The following LINGO2 variants were observed in gnomAD, a reference collection of about 807,000 sequenced individuals.
The protein encoded by LINGO2 is leucine rich repeat and Ig domain containing 2, also known as leucine-rich repeat and immunoglobulin-like domain-containing nogo receptor-interacting protein 2.
Under a neutral mutation model 30.6 loss-of-function variants are expected in LINGO2, and 14 were observed. That is an observed-to-expected ratio of 0.46 (90% CI 0.30 to 0.72). The LOEUF (loss-of-function observed/expected upper bound fraction) is 0.72. LINGO2 is among the 30% of genes least tolerant of loss of function. The pLI, the probability that LINGO2 is intolerant of heterozygous loss-of-function variation, is 0.07. For missense variants in LINGO2, 729 were observed against 751.7 expected, an observed-to-expected ratio of 0.97 and a Z score of 0.35; for synonymous variants, 317 against 288.5, an observed-to-expected ratio of 1.10 and a Z score of -1.00.
intron 1 of LINGO2, among the ~76,000 whole-genome samples, chr9:28,506,096 G>A (rs1181610693): frequency 6.6e-6 from 1 of 151,484 alleles, no homozygotes; most frequent in African/African-American, 2.4e-5. Flanking sequence ...TATTATAGGT[G>A]TTTACCTATA....
chr9:28,935,537 G>C, the LINGO2 span, among the ~76,000 whole-genome samples: 1 of 152,026 alleles, frequency 6.6e-6, no homozygotes, highest in Non-Finnish European at 1.5e-5. Context: ...CATAAAATTA[G>C]AATATTTAAA....
At chr9:28,645,004 G>C (rs184613848) in intron 1 of LINGO2, among the ~76,000 whole-genome samples, 1 of 152,146 alleles carries the variant, frequency 6.6e-6, no homozygotes, top group Non-Finnish European at 1.5e-5. Context: ...CCAATTTGAA[G>C]ATGATATGCA....
At chr9:28,853,828 A>G in the LINGO2 span, among the ~76,000 whole-genome samples, 1 of 151,912 alleles carries the variant, frequency 6.6e-6, no homozygotes, top group Non-Finnish European at 1.5e-5. Context: ...TGCCCTTGAC[A>G]TGTGGGGATT....
the LINGO2 span, among the ~76,000 whole-genome samples, chr9:28,923,456 T>C: frequency 7.9e-5 from 12 of 152,090 alleles, no homozygotes; most frequent in African/African-American, 2.7e-4. Flanking sequence ...TTAGAATAAA[T>C]AAGAGGAAAA....
the LINGO2 span, among the ~76,000 whole-genome samples, chr9:28,786,448 T>C: frequency 6.6e-6 from 1 of 152,154 alleles, no homozygotes; most frequent in Non-Finnish European, 1.5e-5. Context: ...AGCATATAAA[T>C]ATGAGTTGAG....
intron 4 of LINGO2, among the ~76,000 whole-genome samples, chr9:28,151,941 G>A (rs1375397970): frequency 1.3e-5 from 2 of 152,040 alleles, no homozygotes; most frequent in Non-Finnish European, 2.9e-5. Flanking sequence ...GAAACGAAAT[G>A]CAATTCCACA....
chr9:29,065,034 A>G, the LINGO2 span, among the ~76,000 whole-genome samples: 3 of 152,110 alleles, frequency 2.0e-5, no homozygotes, highest in African/African-American at 7.2e-5. Context: ...GAGGTGCATG[A>G]CATTTTCATT....
the LINGO2 span, among the ~76,000 whole-genome samples, chr9:29,113,271 T>A: frequency 2.0e-5 from 3 of 152,088 alleles, no homozygotes; most frequent in African/African-American, 7.2e-5. Flanking sequence ...AAAATAAAAT[T>A]GAAGCAAGAA....
chr9:28,282,131 T>G (rs1399974435), intron 4 of LINGO2, among the ~76,000 whole-genome samples: 1 of 152,114 alleles, frequency 6.6e-6, no homozygotes, highest in Non-Finnish European at 1.5e-5. Flanking sequence ...AGATACTAAA[T>G]GCAATTACGT....
intron 3 of LINGO2, among the ~76,000 whole-genome samples, chr9:28,360,195 G>A (rs1820385612): frequency 6.6e-6 from 1 of 152,166 alleles, no homozygotes; most frequent in African/African-American, 2.4e-5. Context: ...AAGTAAGGCA[G>A]TGTTTTTGTT....
intron 1 of LINGO2, among the ~76,000 whole-genome samples, chr9:28,633,887 AATTTCGATTTTGTTTT>A (rs1827119998): frequency 6.6e-6 from 1 of 152,114 alleles, no homozygotes; most frequent in Admixed American, 6.5e-5. Flanking sequence ...TTTGCCTCAA[AATTTCGATTTTGTTTT>A]ATAGGCACAC....
chr9:28,587,030 G>A lies in LINGO2; in HGVS notation c.-365+83170C>T, dbSNP rs115944005. Among the ~76,000 whole-genome samples, 1,512 of 151,990 alleles carry A rather than the reference G, an allele frequency of 9.9e-3. 24 individuals are homozygous for A. Among genetic ancestry groups the A allele is most frequent in the African/African-American group, 0.032 (1,334 of 41,496 alleles). ...ATATAGTTATAGACAGATGGGATTC[G>A]TAAGGCTTCATACAGCTAGAAATCC... On this transcript the variant is annotated intron_variant, in intron 1 of 5. Coordinates refer to ENST00000379992, the Ensembl canonical transcript of LINGO2.
chr9:28,733,782 C>G, the LINGO2 span, among the ~76,000 whole-genome samples: 1 of 152,020 alleles, frequency 6.6e-6, no homozygotes, highest in Non-Finnish European at 1.5e-5. Flanking sequence ...ATGAGGTGAA[C>G]ACACCTGTAT....
the LINGO2 span, among the ~76,000 whole-genome samples, chr9:29,132,881 CT>C: frequency 5.4e-5 from 8 of 147,652 alleles, no homozygotes; most frequent in African/African-American, 7.6e-5. Context: ...ACATGTAATC[CT>C]TTTTTTTTTA....
At chr9:29,070,824 T>C in the LINGO2 span, among the ~76,000 whole-genome samples, 23 of 151,482 alleles carry the variant, frequency 1.5e-4, no homozygotes, top group Non-Finnish European at 2.9e-4. Context: ...AAGGCCAATT[T>C]TGTTTCACAT....
the LINGO2 span, among the ~76,000 whole-genome samples, chr9:28,847,132 T>C: frequency 5.2e-3 from 767 of 148,426 alleles, 54 homozygotes; most frequent in Non-Finnish European, 6.8e-3. Context: ...GAGGGGTAGA[T>C]GGCTGTTGAG....
At chr9:28,521,205 A>C (rs1031660347) in intron 1 of LINGO2, among the ~76,000 whole-genome samples, 2 of 152,198 alleles carry the variant, frequency 1.3e-5, no homozygotes, top group Non-Finnish European at 2.9e-5. Flanking sequence ...TGGGATATTC[A>C]AAGCAAGATA....
At chr9:28,877,514 T>A in the LINGO2 span, among the ~76,000 whole-genome samples, 1 of 152,196 alleles carries the variant, frequency 6.6e-6, no homozygotes. Flanking sequence ...AGGGAATCCT[T>A]TCCCCATTGC....
In LINGO2 at chr9:28,367,188, C is replaced by A. The variant is rs537119898; in HGVS notation, c.-246+5648G>T. Among the ~76,000 whole-genome samples, 3 of 151,202 alleles carry A rather than the reference C, an allele frequency of 2.0e-5. No individual in the cohort carries two copies. The South Asian group carries it at 6.2e-4, about 31-fold the overall frequency. ...TCTATACATTTATTTCAATTCTTAT[C>A]TCTCCTGGAGTTAGTAATTGCCCTG... is the stretch of plus-strand genomic sequence containing the variant. On this transcript the variant is annotated intron_variant, in intron 3 of 5. Coordinates refer to ENST00000379992, the Ensembl canonical transcript of LINGO2.
Sources: allele counts gnomAD v4.1 joint callset (sites outside exome capture counted in the v4.1 genomes callset), GRCh38; gene constraint gnomAD v4.1.1; transcripts MANE v1.5; gene names NCBI Gene and HGNC (gene_info 2026-07-23, HGNC 2026-07-21).